ANKS1B: variants seen among roughly 807,000 people sequenced by gnomAD.
ANKS1B encodes the protein ankyrin repeat and sterile alpha motif domain containing 1B, also known as ankyrin repeat and sterile alpha motif domain-containing protein 1B.
A neutral mutation model predicts 148.3 loss-of-function variants in ANKS1B; 36 were observed. The observed-to-expected ratio is 0.24, with a 90% confidence interval of 0.19 to 0.32. The LOEUF is 0.32. ANKS1B is among the 10% of genes least tolerant of loss of function. The pLI, the probability that ANKS1B is intolerant of heterozygous loss-of-function variation, is 1.00. For missense variants in ANKS1B, 1,157 were observed against 1,542.6 expected (o/e 0.75, Z 4.19); for synonymous variants, 542 against 560.8 (o/e 0.97, Z 0.47).
At chr12:99,147,112 T>C (rs1243365834) in intron 15 of ANKS1B, among the ~76,000 whole-genome samples, 1 of 152,102 alleles carries the variant, frequency 6.6e-6, no homozygotes, top group Non-Finnish European at 1.5e-5. Flanking sequence ...TGTTTATATA[T>C]GGCAGAAGTG....
rs954421175 is a variant in ANKS1B at position 99,259,849 on chromosome 12, C to T, written c.1757-12985G>A. On this transcript the variant is annotated intron_variant, in intron 12 of 26. Coordinates refer to ENST00000683438, the MANE Select transcript of ANKS1B (RefSeq NM_001352186.2). ...AGCCAAGTTCACAGGGGCAGTTTCT[C>T]AGCTATCTCTGCCTCCCTAGGGAGT... Among the ~76,000 whole-genome samples, 31 of 152,220 alleles carry T rather than the reference C, an allele frequency of 2.0e-4. 1 individual carries two copies. Among genetic ancestry groups the T allele is most frequent in the Admixed American group, 1.9e-3 (29 of 15,276 alleles).
intron 17 of ANKS1B, among the ~76,000 whole-genome samples, chr12:98,907,347 T>C (rs1192337298): frequency 2.0e-5 from 3 of 152,326 alleles, no homozygotes; most frequent in African/African-American, 7.2e-5. Flanking sequence ...GATGGGACTG[T>C]GGAGCATGTG....
chr12:99,383,497 T>C lies in ANKS1B; in HGVS notation c.1756+16134A>G, dbSNP rs545473972. Among the ~76,000 whole-genome samples, 7 of 152,346 alleles carry C rather than the reference T, an allele frequency of 4.6e-5. No homozygotes were observed. In the South Asian group the frequency reaches 8.3e-4, roughly 18 times the overall value. ...CAGATCAGTTTCAGTTCCTTGACCA[T>C]ATCATGTTCTCACTTATATCTTTGC... On this transcript the variant is annotated intron_variant, in intron 12 of 26. Transcript: ENST00000683438.
intron 14 of ANKS1B, among the ~76,000 whole-genome samples, chr12:99,180,834 T>A (rs1327012322): frequency 6.6e-6 from 1 of 151,940 alleles, no homozygotes; most frequent in Non-Finnish European, 1.5e-5. Flanking sequence ...AAGGTCTTTC[T>A]GATCCTCTCC....
At chr12:99,102,413 TTTC>T (rs72119352) in intron 15 of ANKS1B, among the ~76,000 whole-genome samples, 84,279 of 151,094 alleles carry the variant, frequency 0.56, 24,613 homozygotes, top group East Asian at 0.82. Context: ...GTTGCTTTAT[TTTC>T]TTCTTCTTCT....
At chr12:99,771,471 A>G (rs544967822) in intron 8 of ANKS1B, among the ~76,000 whole-genome samples, 3 of 152,208 alleles carry the variant, frequency 2.0e-5, no homozygotes, top group African/African-American at 7.2e-5. Context: ...AAATATAAAC[A>G]CTATGTGTTG....
At chr12:99,079,876 C>G (rs1170863089) in intron 16 of ANKS1B, 1 of 152,078 alleles carries the variant, frequency 6.6e-6, no homozygotes, top group Non-Finnish European at 1.5e-5. Flanking sequence ...TAGACTCGCT[C>G]TCCTGGGGGG....
intron 17 of ANKS1B, among the ~76,000 whole-genome samples, chr12:98,845,422 C>T (rs1476264395): frequency 2.6e-5 from 4 of 152,114 alleles, no homozygotes; most frequent in Non-Finnish European, 5.9e-5. Context: ...CTACCTTCTG[C>T]TCAAAAGTGG....
chr12:98,847,654 G>C (rs1275424802), intron 17 of ANKS1B, among the ~76,000 whole-genome samples: 1 of 152,096 alleles, frequency 6.6e-6, no homozygotes, highest in Non-Finnish European at 1.5e-5. Context: ...GGAGTGCAGT[G>C]GAGAGATCTT....
intron 10 of ANKS1B, among the ~76,000 whole-genome samples, chr12:99,489,243 G>GAAAAAAAAAAAA (rs34006525): frequency 1.2e-5 from 1 of 82,332 alleles, no homozygotes; most frequent in Admixed American, 1.2e-4. Context: ...CTCCATCTCA[G>GAAAAAAAAAAAA]AAAAAAAAAA....
intron 12 of ANKS1B, among the ~76,000 whole-genome samples, chr12:99,337,462 A>G (rs2089133643): frequency 6.6e-6 from 1 of 152,076 alleles, no homozygotes; most frequent in East Asian, 1.9e-4. Context: ...CTCTGTCTGA[A>G]AGGTTACATA....
At chr12:98,945,351 C>T (rs541510108) in intron 17 of ANKS1B, among the ~76,000 whole-genome samples, 17 of 151,634 alleles carry the variant, frequency 1.1e-4, no homozygotes, top group Admixed American at 8.5e-4. Flanking sequence ...AAAAATTAGG[C>T]GGGCGTAGTG....
chr12:99,804,164 T>C (rs11110049), intron 4 of ANKS1B, among the ~76,000 whole-genome samples: 14,986 of 152,228 alleles, frequency 0.098, 828 homozygotes, highest in Admixed American at 0.14. Flanking sequence ...CTTGGTTATA[T>C]TGCAGTCTGT....
intron 15 of ANKS1B, among the ~76,000 whole-genome samples, chr12:99,121,321 A>ATGTGTGTG (rs57560069): frequency 0.14 from 19,925 of 142,542 alleles, 1,639 homozygotes; most frequent in African/African-American, 0.22. Flanking sequence ...GTATGTAGGT[A>ATGTGTGTG]TGTGTGTGTG....
chr12:99,716,405 T>C lies in ANKS1B; in HGVS notation c.1128+56517A>G, dbSNP rs189184699. 6.4e-3 allele frequency among the ~76,000 whole-genome samples: 966 copies of C among 152,066 alleles called. 4 individuals carry two copies. Among genetic ancestry groups the C allele is most frequent in the Middle Eastern group, 0.014 (4 of 294 alleles). ...CCCTCCATGTCCCTACTCTCTCTTT[T>C]CTCTGGGCTTGCCTCCTTCACTATG... is the stretch of plus-strand genomic sequence containing the variant. On this transcript the variant is annotated intron_variant, in intron 8 of 26. Transcript: ENST00000683438.
chr12:99,542,970 AGAAAT>A (rs1344937697), intron 9 of ANKS1B, among the ~76,000 whole-genome samples: 1 of 152,168 alleles, frequency 6.6e-6, no homozygotes, highest in Non-Finnish European at 1.5e-5. Flanking sequence ...AAGTAACAAA[AGAAAT>A]AAATAAACTG....
intron 25 of ANKS1B, among the ~76,000 whole-genome samples, chr12:98,764,362 G>GA (rs1169609808): frequency 2.0e-5 from 3 of 152,172 alleles, no homozygotes; most frequent in Non-Finnish European, 2.9e-5. Context: ...GAGTAGCTGG[G>GA]ATTACAGGTG....
intron 26 of ANKS1B, among the ~76,000 whole-genome samples, chr12:98,748,574 C>T (rs1216339908): frequency 6.6e-6 from 1 of 152,184 alleles, no homozygotes; most frequent in South Asian, 2.1e-4. Flanking sequence ...TGCCTTCTAC[C>T]GTGCCTTGAC....
intron 16 of ANKS1B, among the ~76,000 whole-genome samples, chr12:99,081,257 T>A (rs1423410187): frequency 1.3e-5 from 2 of 149,556 alleles, no homozygotes; most frequent in African/African-American, 5.1e-5. Context: ...AAGATTGTAC[T>A]GAGCAAAGCA....
Sources: gnomAD v4.1 joint callset for allele counts (sites outside exome capture counted in the v4.1 genomes callset) on GRCh38, gnomAD v4.1.1 for gene constraint, MANE v1.5 for transcripts, NCBI Gene and HGNC (gene_info 2026-07-23, HGNC 2026-07-21) for gene names.